The following MICAL3 variants were observed in gnomAD, a reference collection of about 807,000 sequenced individuals.
MICAL3 encodes [F-actin]-monooxygenase MICAL3.
In MICAL3, 62 loss-of-function variants were observed where a neutral mutation model predicts 207.4. The observed-to-expected ratio is 0.30, with a 90% confidence interval of 0.24 to 0.37. The LOEUF is 0.37. Ranked by LOEUF, MICAL3 falls within the 10% of genes least tolerant of loss-of-function variation. The pLI is 1.00. For missense variants in MICAL3, 2,368 were observed against 2,635.6 expected, an observed-to-expected ratio of 0.90 and a Z score of 2.22; for synonymous variants, 1,077 against 1,069.3, an observed-to-expected ratio of 1.01 and a Z score of -0.14.
At chr22:17,863,603 A>G (rs1982342371) in intron 19 of MICAL3, 1 of 985,466 alleles carries the variant, frequency 1.0e-6, no homozygotes, top group Non-Finnish European at 1.2e-6. Flanking sequence ...GGTACTTAAA[A>G]AACTTGCTCA....
At chr22:17,807,388 A>G (rs1411911679) in intron 29 of MICAL3, among the ~76,000 whole-genome samples, 1 of 152,246 alleles carries the variant, frequency 6.6e-6, no homozygotes. Flanking sequence ...AGACCTTCTT[A>G]GGTGAACCCA....
intron 1 of MICAL3, among the ~76,000 whole-genome samples, chr22:18,000,038 G>A (rs1001178012): frequency 3.9e-5 from 6 of 152,186 alleles, no homozygotes; most frequent in African/African-American, 1.4e-4. Flanking sequence ...CCTGTGTGCG[G>A]CCAGGTAACC....
In MICAL3 at chr22:17,818,961, T is replaced by C. The variant is rs1345333379; in HGVS notation, c.3700A>G (p.Arg1234Gly). Residue 1234 changes from arginine to glycine, a missense_variant, in exon 26 of 32, where the codon AGG becomes GGG. Arg to Gly is a moderately radical substitution (Grantham distance 125). Around this residue, in one of 4 missense-constraint regions of MICAL3, gnomAD observed 1,770 missense variants for 1,863.2 expected, o/e 0.95. Transcript: ENST00000441493. ...RSQPVTLPEA[R>G]TPVSPGSPQP... ...GGGCTCCCTGGTGAGACAGGAGTCC[T>C]AGCTTCTGGCAGGGTCACTGGCTGT... 1.2e-6 allele frequency: 2 copies of C among 1,604,790 alleles called. No individual in the cohort carries two copies. Among genetic ancestry groups the C allele is most frequent in the South Asian group, 1.1e-5 (1 of 89,858 alleles).
At chr22:17,895,511 G>A (rs1316410287) in intron 9 of MICAL3, 101 bp from the exon 10 acceptor site, 2 of 1,351,234 alleles carry the variant, frequency 1.5e-6, no homozygotes, top group Non-Finnish European at 2.1e-6. Flanking sequence ...CACCTGACAT[G>A]CCTGACAAAT....
chr22:17,842,116 G>T, intron 19 of MICAL3, 99 bp from the exon 20 acceptor site: 1 of 1,177,920 alleles, frequency 8.5e-7, no homozygotes, highest in Non-Finnish European at 1.2e-6. Context: ...CTGCCAGAAT[G>T]TGGGGCAGGA....
rs73388410 is a variant in MICAL3 at position 17,909,210 on chromosome 22, T to C, written c.-74-2324A>G. On this transcript the variant is annotated intron_variant, in intron 1 of 31. Coordinates refer to ENST00000441493, the MANE Select transcript of MICAL3 (RefSeq NM_015241.3). ...AATATATCACGTACTCAACAAACCC[T>C]CCTGGCTCTAGATATTAAAAACTAT... Among the ~76,000 whole-genome samples, 1,422 of 152,272 alleles carry C rather than the reference T, an allele frequency of 9.3e-3. 20 individuals are homozygous for C. Among genetic ancestry groups the C allele is most frequent in the African/African-American group, 0.031 (1,307 of 41,544 alleles).
intron 28 of MICAL3, among the ~76,000 whole-genome samples, chr22:17,810,388 G>C (rs2062035001): frequency 6.6e-6 from 1 of 151,922 alleles, no homozygotes; most frequent in Admixed American, 6.6e-5. Context: ...AGTAGAGACG[G>C]GGTTTTGCCA....
intron 1 of MICAL3, among the ~76,000 whole-genome samples, chr22:17,960,638 G>A (rs13053667): frequency 0.2 from 30,374 of 151,970 alleles, 3,197 homozygotes; most frequent in Middle Eastern, 0.27. Context: ...AACAGATCCT[G>A]TGGGTGTGAG....
At chr22:17,807,352 G>T (rs2061999402) in intron 29 of MICAL3, among the ~76,000 whole-genome samples, 1 of 152,220 alleles carries the variant, frequency 6.6e-6, no homozygotes, top group African/African-American at 2.4e-5. Flanking sequence ...GGGGGCAGGG[G>T]CACCGCAGGT....
Position 17,803,420 on chromosome 22 carries a change from CG to C in MICAL3, c.5650+5423del, listed in dbSNP as rs1220965660. 6 of 152,120 alleles carry C rather than the reference CG, an allele frequency of 3.9e-5. No individual in the cohort carries two copies. The East Asian group carries it at 1.2e-3, about 29-fold the overall frequency. 9.4% of individuals were successfully genotyped at this position (152,120 alleles called of 1,614,324 possible). A position where few individuals can be genotyped will look rare whatever the true frequency, so the allele number is the denominator to read the frequency against. ...AGATCTTGGCATGTTTGCTTCTTTG[CG>C]TAAGTGTGGCAGGCAGTGAGCTCCC... On this transcript the variant is annotated intron_variant, in intron 29 of 31. Transcript: ENST00000441493.
At chr22:17,895,197 T>C in intron 10 of MICAL3, 87 bp downstream of exon 10, 1 of 1,354,152 alleles carries the variant, frequency 7.4e-7, no homozygotes, top group Non-Finnish European at 1.0e-6. Flanking sequence ...ATGTGTGGTA[T>C]TAATAGGTGC....
At chr22:17,891,056 T>C (rs1230342572) in intron 12 of MICAL3, among the ~76,000 whole-genome samples, 1 of 152,120 alleles carries the variant, frequency 6.6e-6, no homozygotes, top group Non-Finnish European at 1.5e-5. Context: ...TAGTGACACA[T>C]TTGCCTTGAG....
At chr22:17,976,652 C>T (rs189124406) in intron 1 of MICAL3, among the ~76,000 whole-genome samples, 32 of 134,850 alleles carry the variant, frequency 2.4e-4, no homozygotes, top group African/African-American at 6.1e-4. Context: ...TACACTGGCG[C>T]GATCTCGGCT....
Position 17,790,558 on chromosome 22 carries a change from C to G in MICAL3, c.*174G>C. ...TGGAGCCGTCTCAGATAACCACTGT[C>G]ACCTGGGGCTCCCCACTGCACGCGG... On this transcript the variant is annotated 3_prime_UTR_variant, in exon 32 of 32. Coordinates refer to ENST00000441493, the MANE Select transcript of MICAL3 (RefSeq NM_015241.3). 1.6e-6 allele frequency: 1 copy of G among 624,502 alleles called. No individual in the cohort carries two copies. The highest frequency in any genetic ancestry group is 3.0e-5 in the Admixed American group (1 of 33,730). 38.7% of individuals were successfully genotyped at this position (624,502 alleles called of 1,614,324 possible). A position where few individuals can be genotyped will look rare whatever the true frequency, so the allele number is the denominator to read the frequency against.
chr22:17,870,108 G>C (rs577355356), intron 17 of MICAL3, among the ~76,000 whole-genome samples: 28 of 152,274 alleles, frequency 1.8e-4, no homozygotes, highest in African/African-American at 6.7e-4. Flanking sequence ...AATTTTATCT[G>C]GGTTAAAATT....
intron 1 of MICAL3, among the ~76,000 whole-genome samples, chr22:17,946,318 T>C (rs1407586972): frequency 2.6e-5 from 4 of 152,190 alleles, no homozygotes; most frequent in South Asian, 2.1e-4. Context: ...TTGTGGACCA[T>C]ATCAGAGCAG....
chr22:17,961,503 C>G (rs565322363), intron 1 of MICAL3, among the ~76,000 whole-genome samples: 1 of 152,050 alleles, frequency 6.6e-6, no homozygotes, highest in Non-Finnish European at 1.5e-5. Context: ...CACCCTCTCA[C>G]CCCCATGGTC....
At chr22:17,957,794 C>T (rs978872682) in intron 1 of MICAL3, among the ~76,000 whole-genome samples, 8 of 150,440 alleles carry the variant, frequency 5.3e-5, no homozygotes, top group African/African-American at 1.7e-4. Flanking sequence ...AACTTTCTTT[C>T]TTTACTAAGA....
intron 1 of MICAL3, among the ~76,000 whole-genome samples, chr22:17,987,846 G>A (rs1189883349): frequency 6.6e-6 from 1 of 152,192 alleles, no homozygotes; most frequent in East Asian, 1.9e-4. Flanking sequence ...AAAGCAAATG[G>A]GGTCAAACGA....
Sources: gnomAD v4.1 joint callset for allele counts (sites outside exome capture counted in the v4.1 genomes callset) on GRCh38, gnomAD v4.1.1 for gene constraint, gnomAD v4.1.1 regional missense constraint, MANE v1.5 for transcripts, NCBI Gene and HGNC (gene_info 2026-07-23, HGNC 2026-07-21) for gene names.